NEO1: variants seen among roughly 807,000 people sequenced by gnomAD.
NEO1 encodes neogenin 1.
In NEO1, 63 loss-of-function variants were observed where a neutral mutation model predicts 159.7. That is an observed-to-expected ratio of 0.39 (90% CI 0.32 to 0.49). The LOEUF is 0.49. Among genes scored for constraint, NEO1 ranks in the 20% least tolerant of loss-of-function variants. The pLI, the probability that NEO1 is intolerant of heterozygous loss-of-function variation, is 0.85. For synonymous variants in NEO1, 633 were observed against 662.0 expected (o/e 0.96, Z 0.67); for missense variants, 1,615 against 1,831.0 (o/e 0.88, Z 2.15).
rs2040267415 is a variant in NEO1, at chr15:73,254,954, T to G, written c.2092+125T>G. Reference sequence around the variant, plus strand: ...CAAATTTAAAATGGTTCAGAAAATTTTTAATGGTTCAATCCACTTCTGACT... The same window carrying G: ...CAAATTTAAAATGGTTCAGAAAATTGTTAATGGTTCAATCCACTTCTGACT... On this transcript the variant is annotated intron_variant, in intron 13 of 28. Transcript: ENST00000261908. 13 of 1,037,418 alleles carry G rather than the reference T, an allele frequency of 1.3e-5. No homozygotes were observed. In the South Asian group the frequency reaches 2.6e-4, roughly 20 times the overall value. The allele number at this position is 1,037,418 out of a possible 1,614,324, so 64.3% of individuals were successfully genotyped here.
At chr15:73,120,194 T>G (rs1379490347) in intron 2 of NEO1, among the ~76,000 whole-genome samples, 1 of 151,816 alleles carries the variant, frequency 6.6e-6, no homozygotes, top group Non-Finnish European at 1.5e-5. Context: ...TAGAACCATA[T>G]TTTGGTTTTA....
chr15:73,073,498 C>T (rs538075641), intron 1 of NEO1, among the ~76,000 whole-genome samples: 1 of 152,052 alleles, frequency 6.6e-6, no homozygotes, highest in African/African-American at 2.4e-5. Context: ...ATGGAAGGCT[C>T]TATTTGAGAG....
chr15:73,279,354 T>TTG (rs200758013), intron 22 of NEO1, among the ~76,000 whole-genome samples: 1,993 of 139,090 alleles, frequency 0.014, 78 homozygotes, highest in South Asian at 0.02. Flanking sequence ...GGTTTTGGTT[T>TTG]TTTTTTTTTT....
chr15:73,286,257 G>A (rs530073936), intron 23 of NEO1, among the ~76,000 whole-genome samples: 2 of 152,284 alleles, frequency 1.3e-5, no homozygotes, highest in East Asian at 1.9e-4. Context: ...GAGGTCACCA[G>A]CGACCTGTGT....
At chr15:73,066,255 G>C (rs545410947) in intron 1 of NEO1, among the ~76,000 whole-genome samples, 11 of 149,910 alleles carry the variant, frequency 7.3e-5, no homozygotes, top group Non-Finnish European at 1.2e-4. Context: ...TCCTGACCTC[G>C]TGATCCACCC....
chr15:73,187,396 T>C (rs1295456016), intron 7 of NEO1, among the ~76,000 whole-genome samples: 2 of 152,184 alleles, frequency 1.3e-5, no homozygotes, highest in African/African-American at 2.4e-5. Flanking sequence ...TTGCCTTTTT[T>C]TCCTCCCACT....
intron 7 of NEO1, among the ~76,000 whole-genome samples, chr15:73,184,119 A>G (rs961082930): frequency 6.6e-6 from 1 of 152,136 alleles, no homozygotes; most frequent in Non-Finnish European, 1.5e-5. Flanking sequence ...TATACCATTC[A>G]AATTTCATTC....
chr15:73,101,596 C>G (rs1157856276), intron 1 of NEO1, among the ~76,000 whole-genome samples: 1 of 152,184 alleles, frequency 6.6e-6, no homozygotes, highest in East Asian at 1.9e-4. Flanking sequence ...GGTCTACAGG[C>G]TGTAAAATGG....
At chr15:73,244,954 CAAA>C (rs57566986) in intron 9 of NEO1, among the ~76,000 whole-genome samples, 674 of 16,322 alleles carry the variant, frequency 0.041, no homozygotes, top group African/African-American at 0.063. Context: ...GACTCTGTCT[CAAA>C]AAAAAAAAAA....
chr15:73,225,324 T>A (rs560412021), intron 7 of NEO1, among the ~76,000 whole-genome samples: 2 of 152,114 alleles, frequency 1.3e-5, no homozygotes, highest in East Asian at 3.9e-4. Flanking sequence ...TCAGCTGTGG[T>A]AGTATAGAGA....
intron 21 of NEO1, among the ~76,000 whole-genome samples, chr15:73,275,480 T>C (rs1021167057): frequency 1.3e-5 from 2 of 151,780 alleles, no homozygotes; most frequent in Non-Finnish European, 2.9e-5. Context: ...TGAGACCCCC[T>C]CTCTACAAAA....
At chr15:73,068,223 A>T (rs868752557) in intron 1 of NEO1, among the ~76,000 whole-genome samples, 217 of 82,860 alleles carry the variant, frequency 2.6e-3, no homozygotes, top group Non-Finnish European at 3.6e-3. Flanking sequence ...TTGTCCCCCT[A>T]CCCCCCCCCC....
At chr15:73,149,329 G>T (rs1279983267) in intron 5 of NEO1, among the ~76,000 whole-genome samples, 1 of 150,114 alleles carries the variant, frequency 6.7e-6, no homozygotes, top group Non-Finnish European at 1.5e-5. Context: ...AAAAAAAACA[G>T]GGTTTCAGTG....
intron 1 of NEO1, among the ~76,000 whole-genome samples, chr15:73,074,497 T>G (rs1259348405): frequency 6.6e-6 from 1 of 152,238 alleles, no homozygotes; most frequent in South Asian, 2.1e-4. Context: ...TTCTTATGCT[T>G]TATTTCTGTG....
intron 23 of NEO1, among the ~76,000 whole-genome samples, chr15:73,285,532 G>A (rs1319050241): frequency 6.6e-6 from 1 of 152,144 alleles, no homozygotes; most frequent in Non-Finnish European, 1.5e-5. Flanking sequence ...CACTTCCCCA[G>A]TTATCTGCTT....
At chr15:73,187,205 T>A (rs2151995918) in intron 7 of NEO1, among the ~76,000 whole-genome samples, 1 of 152,322 alleles carries the variant, frequency 6.6e-6, no homozygotes, top group East Asian at 1.9e-4. Flanking sequence ...CACTCCATTA[T>A]TTTTCTAGTT....
At chr15:73,236,269 A>G (rs1220823015) in intron 7 of NEO1, 78 bp from the exon 8 acceptor site, 3 of 1,607,196 alleles carry the variant, frequency 1.9e-6, no homozygotes, top group East Asian at 2.2e-5. Context: ...ATATTCCCCA[A>G]TGTTTGCACA....
intron 7 of NEO1, among the ~76,000 whole-genome samples, chr15:73,187,319 CATT>C (rs1256811353): frequency 6.6e-6 from 1 of 152,132 alleles, no homozygotes; most frequent in Non-Finnish European, 1.5e-5. Flanking sequence ...ATTTCCTCCT[CATT>C]ATTCATACAC....
At chr15:73,109,285 A>G (rs1258099055) in intron 1 of NEO1, among the ~76,000 whole-genome samples, 2 of 152,202 alleles carry the variant, frequency 1.3e-5, no homozygotes, top group African/African-American at 4.8e-5. Flanking sequence ...CCAAGCAGTG[A>G]GGAATTTTAT....
Sources: gnomAD v4.1 joint callset for allele counts (sites outside exome capture counted in the v4.1 genomes callset) on GRCh38, gnomAD v4.1.1 for gene constraint, MANE v1.5 for transcripts, NCBI Gene and HGNC (gene_info 2026-07-23, HGNC 2026-07-21) for gene names.